The following CLGN variants were observed in gnomAD, a reference collection of about 807,000 sequenced individuals.
The protein encoded by CLGN is testis tissue sperm-binding protein Li 79P.
A neutral mutation model predicts 79.1 loss-of-function variants in CLGN; 62 were observed. The ratio of observed to expected loss-of-function variants is 0.78; its 90% CI spans 0.64 to 0.97. The LOEUF is 0.97. Among genes scored for constraint, CLGN ranks in the 50% least tolerant of loss-of-function variants. The pLI, the probability that CLGN is intolerant of heterozygous loss-of-function variation, is 0.00. For synonymous variants in CLGN, 225 were observed against 224.7 expected (o/e 1.00, Z -0.01); for missense variants, 647 against 715.5 (o/e 0.90, Z 1.09).
chr4:140,426,945 A>G (rs1211623267), intron 1 of CLGN, among the ~76,000 whole-genome samples: 1 of 152,200 alleles, frequency 6.6e-6, no homozygotes, highest in African/African-American at 2.4e-5. Context: ...GGAGCGGCCA[A>G]CAGTCCCTGG....
At chr4:140,422,110 G>C (rs1729481892) in intron 1 of CLGN, among the ~76,000 whole-genome samples, 1 of 152,022 alleles carries the variant, frequency 6.6e-6, no homozygotes, top group African/African-American at 2.4e-5. Context: ...TTTATTACTA[G>C]GCTCTTTATT....
chr4:140,426,643 G>A (rs1333964791), intron 1 of CLGN: 5 of 152,228 alleles, frequency 3.3e-5, no homozygotes, highest in African/African-American at 1.2e-4. Flanking sequence ...GCAACAAAAA[G>A]TTTATACGTT....
At chr4:140,406,212 G>A in intron 4 of CLGN, 129 bp from the exon 5 acceptor site, 2 of 803,028 alleles carry the variant, frequency 2.5e-6, no homozygotes, top group African/African-American at 1.8e-5. Context: ...TTTTAAATCA[G>A]GAAATATCTT....
intron 10 of CLGN, among the ~76,000 whole-genome samples, chr4:140,394,438 C>T (rs1245824581): frequency 6.6e-6 from 1 of 152,132 alleles, no homozygotes; most frequent in Non-Finnish European, 1.5e-5. Context: ...AACATATACC[C>T]ATGACAGATA....
At chr4:140,391,507 A>G (rs542775930) in intron 13 of CLGN, among the ~76,000 whole-genome samples, 9 of 151,440 alleles carry the variant, frequency 5.9e-5, no homozygotes, top group South Asian at 4.2e-4. Flanking sequence ...ATATGTGTGT[A>G]TATATATATA....
At chr4:140,414,770 C>T (rs1578605827) in intron 1 of CLGN, among the ~76,000 whole-genome samples, 1 of 149,224 alleles carries the variant, frequency 6.7e-6, no homozygotes, top group South Asian at 2.2e-4. Context: ...AGTTGGAAAA[C>T]ACTCTGCAGG....
Position 140,390,726 on chromosome 4 carries a change from C to T in CLGN, c.1654G>A (p.Glu552Lys). 6.3e-7 allele frequency: 1 copy of T among 1,593,674 alleles called. No homozygotes were observed. Among genetic ancestry groups the T allele is most frequent in the Non-Finnish European group, 8.6e-7 (1 of 1,167,702 alleles). Residue 552 changes from glutamate (E) to lysine (K), a missense_variant and splice_region_variant, in exon 14 of 15, where the codon GAG (glutamate) becomes AAG (lysine). Transcript: ENST00000325617. ...QNDGEMLEKE[E>K]ESEPEEKSEE... ...CTCTTTTCCTCAGGTTCACTTTCCT[C>T]TTCTAGAATACAGATTTTGTTAAAA... is the stretch of plus-strand genomic sequence containing the variant.
chr4:140,390,095 T>G (rs1488713794), intron 14 of CLGN, among the ~76,000 whole-genome samples: 1 of 151,650 alleles, frequency 6.6e-6, no homozygotes, highest in African/African-American at 2.4e-5. Context: ...AAAAAAGCAT[T>G]GTGCAAAGTT....
chr4:140,417,504 C>A (rs1488271244), intron 1 of CLGN, among the ~76,000 whole-genome samples: 3 of 131,042 alleles, frequency 2.3e-5, no homozygotes, highest in Non-Finnish European at 4.8e-5. Context: ...TCAGCAAAGT[C>A]TCAGGATACA....
At chr4:140,396,730 G>C (rs1219453868) in intron 8 of CLGN, among the ~76,000 whole-genome samples, 1 of 150,794 alleles carries the variant, frequency 6.6e-6, no homozygotes, top group African/African-American at 2.4e-5. Flanking sequence ...CTAAGTTTTT[G>C]TATTTTTAGT....
chr4:140,404,137 A>G (rs1729048815), intron 5 of CLGN, among the ~76,000 whole-genome samples: 3 of 151,818 alleles, frequency 2.0e-5, no homozygotes, highest in South Asian at 4.2e-4. Flanking sequence ...CCAGTTGCCC[A>G]GGCTGGAGTG....
chr4:140,391,936 A>C (rs75321225), intron 13 of CLGN, among the ~76,000 whole-genome samples: 2,256 of 151,942 alleles, frequency 0.015, 43 homozygotes, highest in African/African-American at 0.052. Flanking sequence ...CAGAGCCAAG[A>C]AACATCCTTG....
intron 11 of CLGN, among the ~76,000 whole-genome samples, chr4:140,393,339 T>G (rs1728811156): frequency 6.6e-6 from 1 of 152,128 alleles, no homozygotes; most frequent in South Asian, 2.1e-4. Flanking sequence ...TGATACATTT[T>G]CTAAGATGCA....
At chr4:140,424,107 G>A (rs1453277809) in intron 1 of CLGN, among the ~76,000 whole-genome samples, 3 of 151,952 alleles carry the variant, frequency 2.0e-5, no homozygotes, top group East Asian at 3.9e-4. Context: ...GTGTAAGTTA[G>A]GTTGTTAACT....
At chr4:140,423,358 A>C (rs1353201432) in intron 1 of CLGN, among the ~76,000 whole-genome samples, 1 of 152,202 alleles carries the variant, frequency 6.6e-6, no homozygotes, top group Non-Finnish European at 1.5e-5. Flanking sequence ...CTTATGTTGA[A>C]TCATCCTTGA....
chr4:140,407,807 CATTTTTCACA>C (rs1241380678), intron 4 of CLGN, among the ~76,000 whole-genome samples: 1 of 151,970 alleles, frequency 6.6e-6, no homozygotes, highest in African/African-American at 2.4e-5. Context: ...ATACCAAAAA[CATTTTTCACA>C]GAATTAGGAA....
rs1410735644 is a variant in CLGN, at chr4:140,404,636, C to A, written c.419+1306G>T. On this transcript the variant is annotated intron_variant, in intron 5 of 14. Coordinates refer to ENST00000325617, the MANE Select transcript of CLGN (RefSeq NM_004362.3). ...ACATATGAAAGACTGCTATTCAATTCTTGGTCCTCTTTTTTTTTCTTTCTT... is the reference window on the plus strand; with the variant it reads ...ACATATGAAAGACTGCTATTCAATTATTGGTCCTCTTTTTTTTTCTTTCTT... Among the ~76,000 whole-genome samples the A allele has an allele frequency of 2.6e-5, 4 of 151,612 alleles. No individual in the cohort carries two copies. In the East Asian group the frequency reaches 7.7e-4, roughly 29 times the overall value.
At chr4:140,425,085 C>T (rs1729535960) in intron 1 of CLGN, among the ~76,000 whole-genome samples, 1 of 152,180 alleles carries the variant, frequency 6.6e-6, no homozygotes, top group Non-Finnish European at 1.5e-5. Flanking sequence ...AAAGAAAAGA[C>T]AATCACAGGA....
chr4:140,426,102 C>T (rs1327038055), intron 1 of CLGN, among the ~76,000 whole-genome samples: 1 of 152,076 alleles, frequency 6.6e-6, no homozygotes, highest in Non-Finnish European at 1.5e-5. Context: ...TTTTAGTTGT[C>T]ATGTGGCTTC....
Sources: allele counts gnomAD v4.1 joint callset (sites outside exome capture counted in the v4.1 genomes callset), GRCh38; gene constraint gnomAD v4.1.1; transcripts MANE v1.5; gene names NCBI Gene and HGNC (gene_info 2026-07-23, HGNC 2026-07-21).